Variants in CNTNAP2 observed in about 807,000 individuals in gnomAD.
The protein encoded by CNTNAP2 is contactin associated protein 2.
CNTNAP2 carries 98 observed loss-of-function variants against 155.2 expected under a neutral mutation model. The observed-to-expected ratio is 0.63, with a 90% CI of 0.54 to 0.75. The LOEUF (loss-of-function observed/expected upper bound fraction) is 0.75. Ranked by LOEUF, CNTNAP2 falls within the 30% of genes least tolerant of loss-of-function variation. The pLI is 0.00. For synonymous variants in CNTNAP2, 651 were observed against 631.2 expected (o/e 1.03, Z -0.47); for missense variants, 1,727 against 1,688.1 (o/e 1.02, Z -0.40).
chr7:146,838,258 A>G (rs1420662635), intron 2 of CNTNAP2, among the ~76,000 whole-genome samples: 1 of 152,136 alleles, frequency 6.6e-6, no homozygotes, highest in Non-Finnish European at 1.5e-5. Flanking sequence ...ATCTTATTTT[A>G]TGGATCACGT....
intron 15 of CNTNAP2, among the ~76,000 whole-genome samples, chr7:148,071,465 C>A (rs749737038): frequency 2.0e-5 from 3 of 151,826 alleles, no homozygotes; most frequent in Non-Finnish European, 2.9e-5. Context: ...GGTGACAGAG[C>A]GAGACTCCAT....
intron 1 of CNTNAP2, among the ~76,000 whole-genome samples, chr7:146,698,481 T>C (rs1800820999): frequency 6.6e-6 from 1 of 152,164 alleles, no homozygotes; most frequent in Admixed American, 6.5e-5. Flanking sequence ...ACCACTCTCT[T>C]CTTGCTTACA....
At chr7:147,976,848 G>A (rs1801434135) in intron 14 of CNTNAP2, among the ~76,000 whole-genome samples, 1 of 117,070 alleles carries the variant, frequency 8.5e-6, no homozygotes, top group South Asian at 2.6e-4. Context: ...CAAAAATCAG[G>A]GTGGGATTTT....
chr7:147,965,713 ATTC>A (rs1563151206), intron 14 of CNTNAP2, among the ~76,000 whole-genome samples: 2 of 151,852 alleles, frequency 1.3e-5, no homozygotes, highest in Admixed American at 6.6e-5. Context: ...TCTTTGGTTC[ATTC>A]TTCTTCTTTC....
At chr7:148,242,629 T>C (rs151253354) in intron 20 of CNTNAP2, among the ~76,000 whole-genome samples, 2 of 152,356 alleles carry the variant, frequency 1.3e-5, no homozygotes, top group African/African-American at 2.4e-5. Context: ...GTATTACTTA[T>C]AGAAATGGAA....
chr7:147,502,741 G>GTGTATA lies in CNTNAP2; in HGVS notation c.1777+16701_1777+16702insGTATAT, dbSNP rs1491222754. ...AATGTGTGTGTGTGTGTGTGTGTGT[G>GTGTATA]TATATATATATATATATAAAACAAA... On this transcript the variant is annotated intron_variant, in intron 11 of 23. Transcript: ENST00000361727. Among the ~76,000 whole-genome samples, 918 of 99,952 alleles carry GTGTATA rather than the reference G, an allele frequency of 9.2e-3. 2 individuals carry two copies. Among genetic ancestry groups the GTGTATA allele is most frequent in the Non-Finnish European group, 0.014 (678 of 49,464 alleles). The allele number at this position is 99,952 out of a possible 152,430, so 65.6% of individuals were successfully genotyped here.
chr7:146,811,712 A>T (rs1246101091), intron 2 of CNTNAP2, among the ~76,000 whole-genome samples: 1 of 152,164 alleles, frequency 6.6e-6, no homozygotes, highest in Non-Finnish European at 1.5e-5. Context: ...TCCTATCTTA[A>T]ATTGTAGTTT....
intron 8 of CNTNAP2, among the ~76,000 whole-genome samples, chr7:147,177,156 A>G (rs1376410443): frequency 1.3e-5 from 2 of 151,556 alleles, no homozygotes; most frequent in Non-Finnish European, 2.9e-5. Flanking sequence ...TACAAAGACC[A>G]TATCTTCTTT....
chr7:147,237,606 CA>C (rs1803838928), intron 8 of CNTNAP2, among the ~76,000 whole-genome samples: 1 of 152,116 alleles, frequency 6.6e-6, no homozygotes, highest in Non-Finnish European at 1.5e-5. Context: ...TCTTTAAGGT[CA>C]GGGGTCATGT....
intron 8 of CNTNAP2, among the ~76,000 whole-genome samples, chr7:147,137,844 A>C (rs893778807): frequency 6.6e-5 from 10 of 151,134 alleles, no homozygotes; most frequent in African/African-American, 2.2e-4. Context: ...ATAGATAAGT[A>C]GATAAATGAT....
chr7:146,912,242 C>G (rs1796298612), intron 3 of CNTNAP2, among the ~76,000 whole-genome samples: 1 of 149,978 alleles, frequency 6.7e-6, no homozygotes, highest in Non-Finnish European at 1.5e-5. Flanking sequence ...TTCTTGCTGA[C>G]AGGTGCTTCT....
At chr7:148,329,251 C>A (rs1797945192) in intron 21 of CNTNAP2, among the ~76,000 whole-genome samples, 1 of 152,152 alleles carries the variant, frequency 6.6e-6, no homozygotes, top group African/African-American at 2.4e-5. Flanking sequence ...AAGTTAAACT[C>A]CATTTTTATA....
At chr7:147,746,675 G>A (rs1797047814) in intron 13 of CNTNAP2, among the ~76,000 whole-genome samples, 1 of 152,048 alleles carries the variant, frequency 6.6e-6, no homozygotes, top group South Asian at 2.1e-4. Flanking sequence ...ACACCAATGG[G>A]ACCAATTGTT....
intron 9 of CNTNAP2, among the ~76,000 whole-genome samples, chr7:147,394,681 T>C (rs1392621932): frequency 1.3e-5 from 2 of 151,966 alleles, no homozygotes; most frequent in South Asian, 2.1e-4. Context: ...ATTATGCATG[T>C]TTCTCTTAAA....
intron 1 of CNTNAP2, among the ~76,000 whole-genome samples, chr7:146,181,561 C>G (rs1798549763): frequency 6.6e-6 from 1 of 152,070 alleles, no homozygotes; most frequent in Non-Finnish European, 1.5e-5. Flanking sequence ...CATCCAATAA[C>G]TTTTTTTCTC....
chr7:147,739,639 A>G (rs1291120656), intron 13 of CNTNAP2, among the ~76,000 whole-genome samples: 4 of 152,092 alleles, frequency 2.6e-5, no homozygotes, highest in Admixed American at 2.6e-4. Flanking sequence ...CAGTCCCAAT[A>G]CAGTCAGAAG....
intron 17 of CNTNAP2, among the ~76,000 whole-genome samples, chr7:148,167,465 A>G (rs747000371): frequency 2.0e-5 from 3 of 152,134 alleles, no homozygotes; most frequent in Non-Finnish European, 4.4e-5. Context: ...AAACTAGACT[A>G]CAGTCATATG....
intron 8 of CNTNAP2, among the ~76,000 whole-genome samples, chr7:147,224,006 A>T (rs1803466416): frequency 6.6e-6 from 1 of 150,602 alleles, no homozygotes; most frequent in African/African-American, 2.4e-5. Flanking sequence ...CAAGCAAGAA[A>T]TCAAAGAGAG....
chr7:147,401,472 A>G (rs118112104), intron 10 of CNTNAP2, among the ~76,000 whole-genome samples: 1,772 of 152,342 alleles, frequency 0.012, 6 homozygotes, highest in Non-Finnish European at 0.019. Context: ...AAGAATAAGT[A>G]AATGAATTTT....
Sources: gnomAD v4.1 joint callset for allele counts (sites outside exome capture counted in the v4.1 genomes callset) on GRCh38, gnomAD v4.1.1 for gene constraint, MANE v1.5 for transcripts, NCBI Gene and HGNC (gene_info 2026-07-23, HGNC 2026-07-21) for gene names.